The following KLRD1 variants were observed in gnomAD, a reference collection of about 807,000 sequenced individuals.
KLRD1 encodes killer cell lectin like receptor D1.
In KLRD1, 21 loss-of-function variants were observed where a neutral mutation model predicts 22.6. The ratio of observed to expected loss-of-function variants is 0.93; its 90% CI spans 0.66 to 1.34. The LOEUF (loss-of-function observed/expected upper bound fraction) is 1.34. Ranked by LOEUF, KLRD1 falls within the 40% of genes most tolerant of loss-of-function variation. The probability of loss-of-function intolerance (pLI) is 0.00; values close to 1 mark genes in which losing one functional copy is unlikely to be tolerated. For synonymous variants in KLRD1, 59 were observed against 71.1 expected (o/e 0.83, Z 0.85); for missense variants, 183 against 208.6 (o/e 0.88, Z 0.76).
chr12:10,257,547 C>T (rs1260888588), intron 1 of KLRD1, among the ~76,000 whole-genome samples: 1 of 123,318 alleles, frequency 8.1e-6, no homozygotes, highest in African/African-American at 3.6e-5. Context: ...AATTTTTCGT[C>T]TCTAGAATTT....
intron 1 of KLRD1, among the ~76,000 whole-genome samples, chr12:10,295,662 G>C (rs186382611): frequency 3.3e-5 from 5 of 152,130 alleles, no homozygotes; most frequent in Admixed American, 6.6e-5. Flanking sequence ...ATTACATGAA[G>C]AGCATAACAT....
chr12:10,279,194 G>A (rs1400379710), intron 1 of KLRD1, among the ~76,000 whole-genome samples: 1 of 151,862 alleles, frequency 6.6e-6, no homozygotes, highest in East Asian at 1.9e-4. Flanking sequence ...TCTTCTTTGT[G>A]TCCACATGTA....
chr12:10,289,587 A>T (rs1287392255), intron 1 of KLRD1, among the ~76,000 whole-genome samples: 1 of 152,138 alleles, frequency 6.6e-6, no homozygotes, highest in African/African-American at 2.4e-5. Context: ...TAACTTGAAC[A>T]TTATTTTGTT....
intron 1 of KLRD1, among the ~76,000 whole-genome samples, chr12:10,264,483 C>T (rs1019120440): frequency 3.3e-5 from 4 of 122,142 alleles, no homozygotes; most frequent in African/African-American, 7.7e-5. Flanking sequence ...AACACAGCTT[C>T]GCTCTAGCAA....
rs1046132609 is a variant in KLRD1 at position 10,315,506 on chromosome 12, T to C, written c.*713T>C. On this transcript the variant is annotated 3_prime_UTR_variant, in exon 6 of 6. Transcript: ENST00000336164. ...ACAAAAGATATAGGATGAAAAATAA[T>C]ATCTTTCAAATGTTTAATTTGAACT... 5.9e-6 allele frequency: 1 copy of C among 170,374 alleles called. No homozygotes were observed. Among genetic ancestry groups the C allele is most frequent in the Non-Finnish European group, 1.3e-5 (1 of 79,120 alleles). The allele number at this position is 170,374 out of a possible 1,614,324, so 10.6% of individuals were successfully genotyped here.
chr12:10,239,178 G>A (rs1949210287), intron 1 of KLRD1, among the ~76,000 whole-genome samples: 1 of 152,142 alleles, frequency 6.6e-6, no homozygotes, highest in South Asian at 2.1e-4. Flanking sequence ...GCTTCTAATG[G>A]GCTGGTGGCC....
chr12:10,298,160 C>T (rs1949837878), intron 1 of KLRD1, among the ~76,000 whole-genome samples: 1 of 152,110 alleles, frequency 6.6e-6, no homozygotes, highest in Non-Finnish European at 1.5e-5. Context: ...GATTTCAGCA[C>T]ACAACATGCC....
chr12:10,322,513 T>C lies in KLRD1; in HGVS notation c.*7720T>C, dbSNP rs1950320951. On this transcript the variant is annotated 3_prime_UTR_variant, in exon 6 of 6. Coordinates refer to ENST00000336164, the MANE Select transcript of KLRD1 (RefSeq NM_002262.5). ...AATTATGTTGTATAACCCATGAGTG[T>C]CACTTTATTCTCATTGGAAATATCC... 1 of 152,182 alleles carries C rather than the reference T, an allele frequency of 6.6e-6. No homozygotes were observed. Among genetic ancestry groups the C allele is most frequent in the African/African-American group, 2.4e-5 (1 of 41,450 alleles). 9.4% of individuals were successfully genotyped at this position (152,182 alleles called of 1,614,324 possible).
intron 1 of KLRD1, among the ~76,000 whole-genome samples, chr12:10,267,474 A>G (rs578045889): frequency 1.3e-5 from 2 of 152,188 alleles, no homozygotes; most frequent in Non-Finnish European, 2.9e-5. Context: ...AAAGCAGAAG[A>G]TAAAATGTTG....
At chr12:10,300,648 TGAAGAGAGACAGCCTCTCC>T (rs1215508575), upstream of KLRD1, among the ~76,000 whole-genome samples, 24 of 152,240 alleles carry the variant, frequency 1.6e-4, no homozygotes, top group African/African-American at 5.3e-4. Flanking sequence ...TTAGCACCTC[TGAAGAGAGACAGCCTCTCC>T]TTGGAAGCTT....
Position 10,271,202 on chromosome 12 carries a change from T to A in KLRD1, c.-100-36776T>A, listed in dbSNP as rs532770231. Among the ~76,000 whole-genome samples, 5 of 152,336 alleles carry A rather than the reference T, an allele frequency of 3.3e-5. No individual in the cohort carries two copies. In the South Asian group the frequency reaches 8.3e-4, roughly 25 times the overall value. On this transcript the variant is annotated intron_variant, in intron 1 of 5. Coordinates refer to the KLRD1 transcript ENST00000544747. ...CCAGACAGGTATTCTGTGACCGTTT[T>A]GATAAAAGTTACTTCATCGTGTTCA... is the stretch of plus-strand genomic sequence containing the variant.
intron 5 of KLRD1, among the ~76,000 whole-genome samples, 161 bp from the exon 6 acceptor site, chr12:10,314,512 A>T (rs1592095678): frequency 6.6e-6 from 1 of 152,226 alleles, no homozygotes; most frequent in African/African-American, 2.4e-5. Context: ...TTGTAGCATT[A>T]CACTAGAAAA....
At chr12:10,274,325 A>G (rs1056015584) in intron 1 of KLRD1, among the ~76,000 whole-genome samples, 6 of 152,218 alleles carry the variant, frequency 3.9e-5, no homozygotes, top group Admixed American at 1.3e-4. Flanking sequence ...TACAAAAATT[A>G]CATCTAGTAG....
intron 1 of KLRD1, among the ~76,000 whole-genome samples, chr12:10,243,625 A>G (rs920053527): frequency 3.3e-5 from 5 of 150,056 alleles, no homozygotes; most frequent in Non-Finnish European, 7.4e-5. Context: ...AAAAAAAAAA[A>G]AAAAAAAACC....
intron 1 of KLRD1, among the ~76,000 whole-genome samples, chr12:10,267,985 C>T (rs1019051397): frequency 6.6e-6 from 1 of 152,124 alleles, no homozygotes; most frequent in Non-Finnish European, 1.5e-5. Flanking sequence ...CCTTGTAAAC[C>T]ATGTTCAGGC....
chr12:10,260,579 G>A (rs190747393), intron 1 of KLRD1, among the ~76,000 whole-genome samples: 8 of 152,044 alleles, frequency 5.3e-5, no homozygotes, highest in African/African-American at 1.9e-4. Flanking sequence ...GAGGTGGGTG[G>A]GTCACGAGGT....
intron 1 of KLRD1, among the ~76,000 whole-genome samples, chr12:10,285,173 G>A (rs1372906449): frequency 6.6e-6 from 1 of 152,072 alleles, no homozygotes; most frequent in African/African-American, 2.4e-5. Context: ...TATTAACCTG[G>A]AGTAAAATAT....
chr12:10,268,411 T>A (rs1279111561), intron 1 of KLRD1, among the ~76,000 whole-genome samples: 3 of 152,220 alleles, frequency 2.0e-5, no homozygotes. Context: ...CAGGCGTTTT[T>A]AAAGATATCT....
chr12:10,291,229 T>C (rs554867336), intron 1 of KLRD1, among the ~76,000 whole-genome samples: 8 of 152,222 alleles, frequency 5.3e-5, no homozygotes, highest in South Asian at 4.1e-4. Context: ...TCTTGCCTCA[T>C]TGATGGCTGC....
Sources: allele counts gnomAD v4.1 joint callset (sites outside exome capture counted in the v4.1 genomes callset), GRCh38; gene constraint gnomAD v4.1.1; transcripts MANE v1.5; gene names NCBI Gene and HGNC (gene_info 2026-07-23, HGNC 2026-07-21).